Variants in PIP5K1B observed in about 807,000 individuals in gnomAD.
The protein encoded by PIP5K1B is phosphatidylinositol-4-phosphate 5-kinase type 1 beta.
Under a neutral mutation model 67.0 loss-of-function variants are expected in PIP5K1B, and 42 were observed. The observed-to-expected ratio is 0.63, with a 90% CI of 0.49 to 0.81. PIP5K1B has a LOEUF of 0.81. PIP5K1B is among the 30% of genes least tolerant of loss of function. The pLI, the probability that PIP5K1B is intolerant of heterozygous loss-of-function variation, is 0.00. For missense variants in PIP5K1B, 459 were observed against 646.3 expected (o/e 0.71, Z 3.14); for synonymous variants, 214 against 231.4 (o/e 0.92, Z 0.68).
chr9:68,905,358 G>A (rs1825558185), intron 8 of PIP5K1B, among the ~76,000 whole-genome samples: 2 of 152,170 alleles, frequency 1.3e-5, no homozygotes, highest in Non-Finnish European at 2.9e-5. Flanking sequence ...CTGTGGATCT[G>A]GTTGTGGATT....
At chr9:68,850,573 G>A (rs927604599) in intron 4 of PIP5K1B, among the ~76,000 whole-genome samples, 2 of 152,174 alleles carry the variant, frequency 1.3e-5, no homozygotes, top group African/African-American at 4.8e-5. Context: ...GAGAATAGAT[G>A]CTGCAGACAA....
rs1827082223 is a variant in PIP5K1B at position 68,705,593 on chromosome 9, G to GCCCCCGGCCCCGCCCGCCGC, written c.-408_-407insCGGCCCCGCCCGCCGCCCCC. 1 of 138,692 alleles carries GCCCCCGGCCCCGCCCGCCGC rather than the reference G, an allele frequency of 7.2e-6. No individual in the cohort carries two copies. Among genetic ancestry groups the GCCCCCGGCCCCGCCCGCCGC allele is most frequent in the Non-Finnish European group, 1.6e-5 (1 of 62,972 alleles). The allele number at this position is 138,692 out of a possible 1,614,324, so 8.6% of individuals were successfully genotyped here. On this transcript the variant is annotated 5_prime_UTR_variant, in exon 1 of 16. Transcript: ENST00000265382. ...CTGCCCGCCCTCAGCGTTGCCCCCG[G>GCCCCCGGCCCCGCCCGCCGC]CCCCGGCCCCGCCCGCCGCCCCCTC...
At chr9:68,935,192 C>T (rs112431298) in intron 13 of PIP5K1B, 147 bp downstream of exon 13, 14,071 of 663,526 alleles carry the variant, frequency 0.021, 284 homozygotes, top group African/African-American at 0.078. Context: ...AGTGGCCGGG[C>T]GCAGTGGCTC....
chr9:68,736,217 A>G (rs779694747), intron 1 of PIP5K1B, among the ~76,000 whole-genome samples: 12 of 152,238 alleles, frequency 7.9e-5, no homozygotes, highest in Non-Finnish European at 1.6e-4. Context: ...TTCATATTTG[A>G]AAAGGACCAC....
At chr9:68,799,293 C>G (rs1016150209) in intron 2 of PIP5K1B, among the ~76,000 whole-genome samples, 1 of 152,180 alleles carries the variant, frequency 6.6e-6, no homozygotes, top group Non-Finnish European at 1.5e-5. Flanking sequence ...TCATCAGTGA[C>G]TAATTTTAGG....
chr9:68,862,688 C>T (rs1164329220), intron 4 of PIP5K1B, among the ~76,000 whole-genome samples: 1 of 151,658 alleles, frequency 6.6e-6, no homozygotes, highest in Admixed American at 6.6e-5. Flanking sequence ...GCTACTCAGG[C>T]GGCTGAGGCA....
chr9:68,824,552 T>C (rs1369460856), intron 4 of PIP5K1B, among the ~76,000 whole-genome samples: 1 of 152,188 alleles, frequency 6.6e-6, no homozygotes, highest in Non-Finnish European at 1.5e-5. Flanking sequence ...ATTTTTTATG[T>C]GTAATAATAT....
At chr9:68,765,046 C>T (rs902605779) in intron 2 of PIP5K1B, among the ~76,000 whole-genome samples, 1 of 152,218 alleles carries the variant, frequency 6.6e-6, no homozygotes, top group South Asian at 2.1e-4. Flanking sequence ...TGGAATGCTA[C>T]AGTCACTGCT....
intron 4 of PIP5K1B, among the ~76,000 whole-genome samples, chr9:68,828,766 A>G (rs1367744230): frequency 6.6e-6 from 1 of 152,140 alleles, no homozygotes; most frequent in East Asian, 1.9e-4. Flanking sequence ...GTTGGTGGGA[A>G]ACTTCTCTGT....
chr9:68,894,530 C>T lies in PIP5K1B; in HGVS notation c.663C>T (p.Ser221=). The change falls in exon 8 of 16, where the codon TCC becomes TCT. Residue 221 remains serine, a synonymous_variant. Transcript: ENST00000265382. ...RRASRKEREK[S]NPTFKDLDFL... ...CATCCCGTAAAGAGAGAGAGAAATC[C>T]AACCCCACATTTAAGGACTTAGATT... 1 of 1,614,024 alleles carries T rather than the reference C, an allele frequency of 6.2e-7. No individual in the cohort carries two copies. The highest frequency in any genetic ancestry group is 8.5e-7 in the Non-Finnish European group (1 of 1,179,896).
At chr9:68,970,870 G>A (rs2132823894) in intron 14 of PIP5K1B, among the ~76,000 whole-genome samples, 1 of 152,268 alleles carries the variant, frequency 6.6e-6, no homozygotes. Flanking sequence ...TGCTAAAATT[G>A]GCTCCTAATG....
At chr9:68,918,869 C>G (rs1432851148) in intron 9 of PIP5K1B, among the ~76,000 whole-genome samples, 1 of 152,016 alleles carries the variant, frequency 6.6e-6, no homozygotes, top group Non-Finnish European at 1.5e-5. Context: ...AAAAACCACG[C>G]TAGCATTGAA....
intron 7 of PIP5K1B, among the ~76,000 whole-genome samples, chr9:68,890,687 T>C (rs1278740552): frequency 1.4e-5 from 2 of 146,190 alleles, no homozygotes; most frequent in Non-Finnish European, 3.0e-5. Flanking sequence ...ACAGAAAATA[T>C]AGAAAAGCCA....
chr9:68,706,628 G>T (rs760692843), intron 1 of PIP5K1B, among the ~76,000 whole-genome samples: 1 of 152,114 alleles, frequency 6.6e-6, no homozygotes, highest in Non-Finnish European at 1.5e-5. Context: ...TAAAGGGAGC[G>T]TGTTACAGAT....
intron 2 of PIP5K1B, chr9:68,780,844 C>T (rs1335855879): frequency 6.2e-7 from 1 of 1,614,242 alleles, no homozygotes; most frequent in East Asian, 2.2e-5. Flanking sequence ...ATGCTTTCTT[C>T]TGACGTTGCA....
At chr9:68,800,670 G>A (rs1203727375) in intron 2 of PIP5K1B, among the ~76,000 whole-genome samples, 1 of 152,214 alleles carries the variant, frequency 6.6e-6, no homozygotes, top group Non-Finnish European at 1.5e-5. Context: ...GCCACGCTCT[G>A]TATCTGCTGT....
intron 10 of PIP5K1B, 53 bp downstream of exon 10, chr9:68,919,615 G>T (rs1826266859): frequency 1.4e-6 from 2 of 1,412,776 alleles, no homozygotes; most frequent in African/African-American, 1.4e-5. Flanking sequence ...TCTACAAAAG[G>T]TTCTGAAAAA....
In PIP5K1B at chr9:68,889,083, C is replaced by G. The variant is rs1347664052; in HGVS notation, c.421C>G (p.Gln141Glu). Residue 141 changes from glutamine (Q) to glutamate (E), a missense_variant, in exon 7 of 16, where the codon CAG becomes GAG. Gln to Glu is a conservative substitution (Grantham distance 29, BLOSUM62 2). Around this residue, in one of 2 missense-constraint regions of PIP5K1B, gnomAD observed 290 missense variants for 474.4 expected, o/e 0.61. Transcript: ENST00000265382. ...SDDEFIIKTV[Q>E]HKEAEFLQKL... Reference sequence around the variant, plus strand: ...TGATGAATTTATCATCAAAACAGTTCAGCACAAAGAAGCTGAGTTTCTTCA... The same window carrying G: ...TGATGAATTTATCATCAAAACAGTTGAGCACAAAGAAGCTGAGTTTCTTCA... 6.2e-7 allele frequency: 1 copy of G among 1,613,552 alleles called. No homozygotes were observed. The highest frequency in any genetic ancestry group is 8.5e-7 in the Non-Finnish European group (1 of 1,179,658).
At chr9:68,844,375 G>A (rs1161781172) in intron 4 of PIP5K1B, among the ~76,000 whole-genome samples, 1 of 152,184 alleles carries the variant, frequency 6.6e-6, no homozygotes, top group Non-Finnish European at 1.5e-5. Flanking sequence ...AAGGGGGAAG[G>A]AAGCAGCCCT....
Sources: gnomAD v4.1 joint callset for allele counts (sites outside exome capture counted in the v4.1 genomes callset) on GRCh38, gnomAD v4.1.1 for gene constraint, gnomAD v4.1.1 regional missense constraint, MANE v1.5 for transcripts, NCBI Gene and HGNC (gene_info 2026-07-23, HGNC 2026-07-21) for gene names.